Variants in GEMIN2 observed in about 807,000 individuals in gnomAD.
GEMIN2 encodes gem-associated protein 2.
In GEMIN2, 37 loss-of-function variants were observed where a neutral mutation model predicts 45.8. That is an observed-to-expected ratio of 0.81 (90% CI 0.62 to 1.06). GEMIN2 has a LOEUF of 1.06. Ranked by LOEUF, GEMIN2 falls within the 50% of genes least tolerant of loss-of-function variation. The pLI is 0.00. For missense variants in GEMIN2, 335 were observed against 321.8 expected (o/e 1.04, Z -0.31); for synonymous variants, 101 against 111.5 (o/e 0.91, Z 0.60).
At chr14:39,128,713 C>G (rs1037859898) in intron 7 of GEMIN2, among the ~76,000 whole-genome samples, 2 of 151,718 alleles carry the variant, frequency 1.3e-5, no homozygotes, top group Non-Finnish European at 2.9e-5. Context: ...CTGTGTTGTC[C>G]AGGCTGGTCT....
chr14:39,133,641 TTTTC>T lies in GEMIN2; in HGVS notation c.712-16_712-13del. The T allele has an allele frequency of 7.3e-7, 1 of 1,366,406 alleles. No homozygotes were observed. Among genetic ancestry groups the T allele is most frequent in the Non-Finnish European group, 1.0e-6 (1 of 994,422 alleles). The allele number at this position is 1,366,406 out of a possible 1,614,324, so 84.6% of individuals were successfully genotyped here. A position where few individuals can be genotyped will look rare whatever the true frequency, so the allele number is the denominator to read the frequency against. On this transcript the variant is annotated splice_polypyrimidine_tract_variant and intron_variant, in intron 8 of 9. Coordinates refer to ENST00000308317, the MANE Select transcript of GEMIN2 (RefSeq NM_003616.3). ...TAATAGGAACAGACAATATTTAAAT[TTTTC>T]TTTTTTTTTTTTTAGGATAGCAAAG...
At chr14:39,129,679 T>A (rs1382199802) in intron 7 of GEMIN2, among the ~76,000 whole-genome samples, 1 of 152,096 alleles carries the variant, frequency 6.6e-6, no homozygotes, top group Non-Finnish European at 1.5e-5. Flanking sequence ...TCTCAAAGTG[T>A]TGGAATTACA....
chr14:39,121,908 G>A, intron 4 of GEMIN2: 1 of 176,010 alleles, frequency 5.7e-6, no homozygotes, highest in Non-Finnish European at 1.2e-5. Context: ...TTTTAGTAGA[G>A]GTGGGGTTTT....
chr14:39,114,350 A>G lies in GEMIN2; in HGVS notation c.12A>G (p.Val4=), dbSNP rs754510527. 3.1e-6 allele frequency: 5 copies of G among 1,614,020 alleles called. No individual in the cohort carries two copies. The highest frequency in any genetic ancestry group is 1.1e-5 in the South Asian group (1 of 91,078). Residue 4 remains valine (V), a synonymous_variant, in exon 1 of 10, where the codon GTA becomes GTG. Coordinates refer to ENST00000308317, the MANE Select transcript of GEMIN2 (RefSeq NM_003616.3). MAW[V]PAESAVEELM... is the part of the protein sequence containing the mutation. ...CTGGTTTGAAAACCATGGCGTGGGTACCAGCGGAGTCCGCAGTGGAAGAGT... is the reference window on the plus strand; with the variant it reads ...CTGGTTTGAAAACCATGGCGTGGGTGCCAGCGGAGTCCGCAGTGGAAGAGT...
intron 6 of GEMIN2, among the ~76,000 whole-genome samples, chr14:39,126,950 G>C (rs1180452066): frequency 2.0e-5 from 3 of 151,980 alleles, no homozygotes; most frequent in African/African-American, 7.2e-5. Flanking sequence ...TATTTTAGCA[G>C]GGATGGGGTT....
Position 39,131,297 on chromosome 14 carries a change from CA to C in GEMIN2, c.601-652del, listed in dbSNP as rs888744056. ...GGGCAACAAGAGTGAAACTCTGTCT[CA>C]AAAAAAAAGAAAGTTGTACATACGA... On this transcript the variant is annotated intron_variant, in intron 7 of 9. Transcript: ENST00000308317. Among the ~76,000 whole-genome samples, 139 of 150,166 alleles carry C rather than the reference CA, an allele frequency of 9.3e-4. 1 individual carries two copies. Among genetic ancestry groups the C allele is most frequent in the African/African-American group, 3.1e-3 (125 of 40,968 alleles).
In GEMIN2 at chr14:39,132,008, T is replaced by C; in HGVS notation, c.651T>C (p.Pro217=). The C allele has an allele frequency of 1.2e-6, 2 of 1,606,208 alleles. No homozygotes were observed. The highest frequency in any genetic ancestry group is 1.7e-6 in the Non-Finnish European group (2 of 1,172,916). ...CTTGTCTTGAAAAGCCTTTGTTACC[T>C]GAGGCTCATTCACTGATTCGGCAGC... ...LLACLEKPLL[P]EAHSLIRQLA... Residue 217 remains proline, a synonymous_variant, in exon 8 of 10, where the codon CCT becomes CCC. Transcript: ENST00000308317.
chr14:39,123,212 C>T (rs913112219), intron 5 of GEMIN2, among the ~76,000 whole-genome samples: 5 of 152,112 alleles, frequency 3.3e-5, no homozygotes, highest in Non-Finnish European at 7.3e-5. Context: ...TCTGCATTAG[C>T]GCTTACTCCC....
Position 39,136,440 on chromosome 14 carries a change from G to A in GEMIN2, c.771G>A (p.Arg257=), listed in dbSNP as rs1322425532. The change falls in exon 10 of 10, where the codon AGG becomes AGA. Residue 257 remains arginine (R), a splice_region_variant and synonymous_variant. Transcript: ENST00000308317. ...ALNLLICLVS[R]YFDQRDLADE... ...AAATTTTTTGTTTTTTTTTTACTAG[G>A]TATTTTGACCAACGTGATTTAGCTG... is the stretch of plus-strand genomic sequence containing the variant. The A allele has an allele frequency of 4.7e-6, 7 of 1,499,446 alleles. No individual in the cohort carries two copies. The highest frequency in any genetic ancestry group is 6.5e-6 in the Non-Finnish European group (7 of 1,077,942). The allele number at this position is 1,499,446 out of a possible 1,614,324, so 92.9% of individuals were successfully genotyped here. A position where few individuals can be genotyped will look rare whatever the true frequency, so the allele number is the denominator to read the frequency against.
intron 5 of GEMIN2, among the ~76,000 whole-genome samples, chr14:39,123,685 G>GTTTTATATATATAT (rs1566532769): frequency 1.5e-4 from 9 of 59,618 alleles, no homozygotes; most frequent in African/African-American, 5.4e-4. Flanking sequence ...TTCAAAAATA[G>GTTTTATATATATAT]CTATATATAT....
intron 8 of GEMIN2, among the ~76,000 whole-genome samples, chr14:39,133,442 C>G (rs2052746359): frequency 6.7e-6 from 1 of 148,416 alleles, no homozygotes; most frequent in Non-Finnish European, 1.5e-5. Flanking sequence ...TTTTTTTTTC[C>G]CTATTCAGAA....
At chr14:39,124,877 T>C in intron 5 of GEMIN2, 115 bp from the exon 6 acceptor site, 1 of 646,440 alleles carries the variant, frequency 1.5e-6, no homozygotes, top group Non-Finnish European at 2.8e-6. Context: ...AAGAATTTTC[T>C]TTTATTTGTT....
intron 5 of GEMIN2, among the ~76,000 whole-genome samples, chr14:39,124,421 TA>T (rs35044313): frequency 0.18 from 26,682 of 152,142 alleles, 3,263 homozygotes; most frequent in Non-Finnish European, 0.26. Flanking sequence ...TACTATCATG[TA>T]AAAAATTTTT....
Position 39,136,635 on chromosome 14 carries a change from A to G in GEMIN2, c.*156A>G. On this transcript the variant is annotated 3_prime_UTR_variant, in exon 10 of 10. Coordinates refer to ENST00000308317, the MANE Select transcript of GEMIN2 (RefSeq NM_003616.3). ...TGCAATTCAGATTGATACTCAGAAT[A>G]TGGGTTGATTTGAATATCTGAAATA... 1.7e-6 allele frequency: 1 copy of G among 578,064 alleles called. No homozygotes were observed. 35.8% of individuals were successfully genotyped at this position (578,064 alleles called of 1,614,324 possible). A position where few individuals can be genotyped will look rare whatever the true frequency, so the allele number is the denominator to read the frequency against.
At chr14:39,114,741 T>C in intron 1 of GEMIN2, 88 bp from the exon 2 acceptor site, 2 of 784,700 alleles carry the variant, frequency 2.5e-6, no homozygotes, top group South Asian at 3.1e-5. Context: ...GATTTCACAA[T>C]GAACTGTGGA....
At chr14:39,133,340 AC>A (rs1312198838) in intron 8 of GEMIN2, among the ~76,000 whole-genome samples, 1 of 148,618 alleles carries the variant, frequency 6.7e-6, no homozygotes, top group East Asian at 1.9e-4. Flanking sequence ...TATATTCATC[AC>A]TGTACAGTTA....
chr14:39,117,041 G>A (rs1279341549), intron 2 of GEMIN2, among the ~76,000 whole-genome samples: 1 of 152,172 alleles, frequency 6.6e-6, no homozygotes, highest in Non-Finnish European at 1.5e-5. Context: ...GGGAGGCCAA[G>A]TCAGGCGGAT....
intron 7 of GEMIN2, among the ~76,000 whole-genome samples, chr14:39,131,216 G>C (rs1332663858): frequency 6.6e-6 from 1 of 152,080 alleles, no homozygotes; most frequent in Non-Finnish European, 1.5e-5. Context: ...AGAATTGCTT[G>C]AACCCGGGAG....
intron 2 of GEMIN2, among the ~76,000 whole-genome samples, chr14:39,117,257 C>T (rs958783851): frequency 5.3e-4 from 64 of 121,496 alleles, no homozygotes; most frequent in South Asian, 8.8e-4. Flanking sequence ...GCAACAGGAG[C>T]GAAACTCCGT....
Sources: allele counts gnomAD v4.1 joint callset (sites outside exome capture counted in the v4.1 genomes callset), GRCh38; gene constraint gnomAD v4.1.1; transcripts MANE v1.5; gene names NCBI Gene and HGNC (gene_info 2026-07-23, HGNC 2026-07-21).